The following ANKS1B variants were observed in gnomAD, a reference collection of about 807,000 sequenced individuals.
ANKS1B encodes ankyrin repeat and sterile alpha motif domain containing 1B, also known as ankyrin repeat and sterile alpha motif domain-containing protein 1B.
ANKS1B carries 36 observed loss-of-function variants against 148.3 expected under a neutral mutation model. The ratio of observed to expected loss-of-function variants is 0.24; its 90% CI spans 0.19 to 0.32. The LOEUF (loss-of-function observed/expected upper bound fraction) is 0.32. Ranked by LOEUF, ANKS1B falls within the 10% of genes least tolerant of loss-of-function variation. ANKS1B has a pLI of 1.00. For missense variants in ANKS1B, 1,157 were observed against 1,542.6 expected (o/e 0.75, Z 4.19); for synonymous variants, 542 against 560.8 (o/e 0.97, Z 0.47).
At chr12:98,947,694 T>TTTTCCATAGTC (rs1246974503) in intron 17 of ANKS1B, among the ~76,000 whole-genome samples, 2 of 152,198 alleles carry the variant, frequency 1.3e-5, no homozygotes, top group East Asian at 3.8e-4. Context: ...AATAAAGTTA[T>TTTTCCATAGTC]TTTCCATAGT....
At chr12:99,418,400 C>T (rs1474098661) in intron 11 of ANKS1B, among the ~76,000 whole-genome samples, 2 of 151,868 alleles carry the variant, frequency 1.3e-5, no homozygotes, top group Non-Finnish European at 2.9e-5. Context: ...TATAAATGAC[C>T]TTGTATTTTT....
chr12:99,546,022 C>A (rs1258545811), intron 9 of ANKS1B, among the ~76,000 whole-genome samples: 1 of 151,974 alleles, frequency 6.6e-6, no homozygotes. Flanking sequence ...ACTTTGTAGT[C>A]AGAACCTGGG....
At chr12:99,819,478 A>G (rs1192331544) in intron 2 of ANKS1B, among the ~76,000 whole-genome samples, 3 of 151,786 alleles carry the variant, frequency 2.0e-5, no homozygotes, top group Non-Finnish European at 4.4e-5. Context: ...TGGATTCTAG[A>G]TCCAATTTGA....
rs1226625515 is a variant in ANKS1B at position 99,027,842 on chromosome 12, G to A, written c.2778+25315C>T. 2.0e-5 allele frequency among the ~76,000 whole-genome samples: 3 copies of A among 152,148 alleles called. No individual in the cohort carries two copies. In the East Asian group the frequency reaches 5.8e-4, roughly 29 times the overall value. On this transcript the variant is annotated intron_variant, in intron 17 of 26. Transcript: ENST00000683438. The stretch of plus-strand genomic sequence containing the variant: ...ATCCTGAAAATGTATTGTTAGAAAA[G>A]AACATTATTATATGGGAGATATACT...
rs1000000090 is a variant in ANKS1B, at chr12:98,928,447, A to G, written c.2779-96311T>C. On this transcript the variant is annotated intron_variant, in intron 17 of 26. Transcript: ENST00000683438. ...AACTGATTCTATGAGGCCAGTATAC[A>G]CTGACACCATAATGAGACAATGACA... is the stretch of plus-strand genomic sequence containing the variant. 7.9e-5 allele frequency among the ~76,000 whole-genome samples: 12 copies of G among 152,112 alleles called. No homozygotes were observed. In the East Asian group the frequency reaches 2.1e-3, roughly 27 times the overall value.
intron 9 of ANKS1B, among the ~76,000 whole-genome samples, chr12:99,549,025 G>A (rs1042822314): frequency 1.3e-5 from 2 of 152,186 alleles, no homozygotes; most frequent in African/African-American, 4.8e-5. Context: ...TGGGGAACTG[G>A]AGGTGGGGGT....
At chr12:99,638,902 G>T (rs1390312519) in intron 9 of ANKS1B, among the ~76,000 whole-genome samples, 3 of 152,170 alleles carry the variant, frequency 2.0e-5, no homozygotes. Flanking sequence ...GTACAGCTCG[G>T]GCCATATCTT....
At chr12:99,707,771 CT>C (rs1011266289) in intron 8 of ANKS1B, among the ~76,000 whole-genome samples, 2 of 152,028 alleles carry the variant, frequency 1.3e-5, no homozygotes, top group African/African-American at 4.8e-5. Flanking sequence ...ATTTGACTCT[CT>C]ACCTACCAGC....
chr12:99,667,381 A>AAGAAAAGAAAAGAAAAGAAC, intron 8 of ANKS1B, among the ~76,000 whole-genome samples: 1 of 151,530 alleles, frequency 6.6e-6, no homozygotes, highest in East Asian at 1.9e-4. Context: ...AAGAAAAGAA[A>AAGAAAAGAAAAGAAAAGAAC]ACCCTGAATT....
intron 17 of ANKS1B, among the ~76,000 whole-genome samples, chr12:99,050,021 A>C (rs182720331): frequency 1.4e-4 from 21 of 152,216 alleles, no homozygotes; most frequent in Non-Finnish European, 2.4e-4. Context: ...ACTCATTACA[A>C]TGGTTCAGGA....
At chr12:99,250,448 T>C (rs975882122) in intron 12 of ANKS1B, among the ~76,000 whole-genome samples, 1 of 152,032 alleles carries the variant, frequency 6.6e-6, no homozygotes, top group Non-Finnish European at 1.5e-5. Flanking sequence ...ACAAATAAAA[T>C]AGAAAATAAA....
chr12:99,570,676 C>T (rs1040248080), intron 9 of ANKS1B, among the ~76,000 whole-genome samples: 2 of 147,194 alleles, frequency 1.4e-5, no homozygotes, highest in African/African-American at 2.5e-5. Flanking sequence ...ATAAATGAAA[C>T]AAGATTGGCA....
chr12:99,097,130 C>T (rs1350986777), intron 15 of ANKS1B: 4 of 152,128 alleles, frequency 2.6e-5, no homozygotes, highest in Non-Finnish European at 4.4e-5. Flanking sequence ...TAAGTAAAAA[C>T]ATGAGTTTTT....
rs570752055 is a variant in ANKS1B at position 99,952,471 on chromosome 12, G to A, written c.134+31633C>T. On this transcript the variant is annotated intron_variant, in intron 1 of 26. Transcript: ENST00000683438. ...TAATTTTACCTGTTTCATAGCATCC[G>A]TTCTTGTTTTAAAAGTACAATATCT... Among the ~76,000 whole-genome samples the A allele has an allele frequency of 1.6e-3, 238 of 152,030 alleles. 2 individuals are homozygous for A. The highest frequency in any genetic ancestry group is 2.2e-3 in the Non-Finnish European group (148 of 67,970).
chr12:99,246,940 A>G, intron 12 of ANKS1B, 76 bp from the exon 13 acceptor site: 1 of 1,104,082 alleles, frequency 9.1e-7, no homozygotes, highest in East Asian at 2.4e-5. Flanking sequence ...GCCCTTATGA[A>G]CATGTGGGCT....
intron 9 of ANKS1B, among the ~76,000 whole-genome samples, chr12:99,551,217 C>G (rs190007691): frequency 6.6e-6 from 1 of 152,140 alleles, no homozygotes; most frequent in Non-Finnish European, 1.5e-5. Context: ...CGTTTCTACT[C>G]CCACTTCTAT....
At chr12:99,674,810 C>G (rs374560645) in intron 8 of ANKS1B, among the ~76,000 whole-genome samples, 16 of 151,774 alleles carry the variant, frequency 1.1e-4, no homozygotes, top group South Asian at 6.2e-4. Flanking sequence ...TGTATTTGAA[C>G]ATTAATACTA....
intron 12 of ANKS1B, among the ~76,000 whole-genome samples, chr12:99,343,277 G>A (rs1269011162): frequency 6.6e-6 from 1 of 152,052 alleles, no homozygotes; most frequent in Admixed American, 6.6e-5. Flanking sequence ...TAGACTACAT[G>A]AGAATAGATC....
intron 17 of ANKS1B, among the ~76,000 whole-genome samples, chr12:99,033,709 G>A (rs1325208869): frequency 6.6e-6 from 1 of 151,742 alleles, no homozygotes; most frequent in Non-Finnish European, 1.5e-5. Flanking sequence ...TAACTCCTCT[G>A]CACTCAGGTG....
Sources: gnomAD v4.1 joint callset for allele counts (sites outside exome capture counted in the v4.1 genomes callset) on GRCh38, gnomAD v4.1.1 for gene constraint, MANE v1.5 for transcripts, NCBI Gene and HGNC (gene_info 2026-07-23, HGNC 2026-07-21) for gene names.